PARD6G: variants seen among roughly 807,000 people sequenced by gnomAD.
PARD6G encodes the protein par-6 family cell polarity regulator gamma.
In PARD6G, 7 loss-of-function variants were observed where a neutral mutation model predicts 10.7. The ratio of observed to expected loss-of-function variants is 0.66; its 90% confidence interval spans 0.37 to 1.23. PARD6G has a LOEUF of 1.23. PARD6G is among the 50% of genes most tolerant of loss of function. The pLI is 0.02. For missense variants in PARD6G, 548 were observed against 571.8 expected (o/e 0.96, Z 0.42); for synonymous variants, 287 against 269.4 (o/e 1.07, Z -0.64).
chr18:80,232,962 G>C (rs1336742374), intron 1 of PARD6G, among the ~76,000 whole-genome samples: 1 of 152,192 alleles, frequency 6.6e-6, no homozygotes, highest in Admixed American at 6.5e-5. Flanking sequence ...CTGAGGGACA[G>C]ACCTCCTTGC....
chr18:80,165,116 G>T (rs954283292), intron 2 of PARD6G, among the ~76,000 whole-genome samples: 3 of 152,132 alleles, frequency 2.0e-5, no homozygotes, highest in Non-Finnish European at 4.4e-5. Context: ...AATTTACCAG[G>T]GCAGAGTTTC....
At chr18:80,160,655 G>C (rs1469745804) in intron 2 of PARD6G, 49 bp from the exon 3 acceptor site, 1 of 1,428,080 alleles carries the variant, frequency 7.0e-7, no homozygotes, top group Non-Finnish European at 9.1e-7. Context: ...AGCCCCGCCT[G>C]AGCCCTCGGC....
chr18:80,213,970 T>C (rs1211750111), intron 1 of PARD6G, among the ~76,000 whole-genome samples: 1 of 143,398 alleles, frequency 7.0e-6, no homozygotes, highest in Non-Finnish European at 1.5e-5. Context: ...AAAAGTTCAG[T>C]TTTGAGCAAA....
At chr18:80,209,846 C>A (rs987062243) in intron 1 of PARD6G, among the ~76,000 whole-genome samples, 21 of 152,110 alleles carry the variant, frequency 1.4e-4, no homozygotes, top group African/African-American at 5.1e-4. Flanking sequence ...CTTCTAAATG[C>A]AAATCATTTT....
At position 80,180,943 on chromosome 18, in the gene PARD6G, C is replaced by T. The variant is rs1362233750; in HGVS notation, c.296-20337G>A. On this transcript the variant is annotated intron_variant, in intron 2 of 2. Transcript: ENST00000353265. This position sits in a 1 kb window ranked among gnomAD's most constrained non-coding sequence, Gnocchi z 5.6. ...TAGCTCTCCACATGCAGATGCCCCACAGCAAAGAAATGTCCAGCGCAGAAC... is the reference window on the plus strand; with the variant it reads ...TAGCTCTCCACATGCAGATGCCCCATAGCAAAGAAATGTCCAGCGCAGAAC... Among the ~76,000 whole-genome samples the T allele has an allele frequency of 2.0e-5, 3 of 152,214 alleles. No homozygotes were observed. Among genetic ancestry groups the T allele is most frequent in the Admixed American group, 6.5e-5 (1 of 15,288 alleles).
chr18:80,167,172 T>C (rs2052741582), intron 2 of PARD6G, among the ~76,000 whole-genome samples: 1 of 152,154 alleles, frequency 6.6e-6, no homozygotes, highest in Admixed American at 6.5e-5. Context: ...CCTGAGAGCA[T>C]CATGTTGCGT....
chr18:80,196,515 A>G (rs905708078), intron 2 of PARD6G, among the ~76,000 whole-genome samples: 2 of 152,238 alleles, frequency 1.3e-5, no homozygotes, highest in Non-Finnish European at 2.9e-5. Context: ...AAATTTAAGA[A>G]AAGTAAGAAA....
intron 1 of PARD6G, among the ~76,000 whole-genome samples, chr18:80,245,776 C>T (rs1298597146): frequency 6.6e-6 from 1 of 152,096 alleles, no homozygotes; most frequent in Non-Finnish European, 1.5e-5. Context: ...GGGCTCTTCC[C>T]CTCACCTAAC....
intron 1 of PARD6G, among the ~76,000 whole-genome samples, chr18:80,222,685 A>T (rs1271521394): frequency 6.6e-6 from 1 of 151,818 alleles, no homozygotes; most frequent in Non-Finnish European, 1.5e-5. Flanking sequence ...TTATTTATTC[A>T]TTTTTTAAGA....
intron 2 of PARD6G, among the ~76,000 whole-genome samples, chr18:80,172,575 C>T (rs1008210276): frequency 1.3e-5 from 2 of 152,038 alleles, no homozygotes; most frequent in African/African-American, 2.4e-5. Flanking sequence ...TTAGCAGAGA[C>T]GGTTTTGCCA....
At chr18:80,209,858 A>G (rs1456424336) in intron 1 of PARD6G, among the ~76,000 whole-genome samples, 1 of 152,204 alleles carries the variant, frequency 6.6e-6, no homozygotes, top group Non-Finnish European at 1.5e-5. Context: ...AATCATTTTT[A>G]TTTTCTTTAA....
At chr18:80,238,258 G>T (rs1243589292) in intron 1 of PARD6G, among the ~76,000 whole-genome samples, 1 of 152,088 alleles carries the variant, frequency 6.6e-6, no homozygotes, top group Non-Finnish European at 1.5e-5. Context: ...ACCAAACACT[G>T]CATGTTCTCA....
intron 1 of PARD6G, among the ~76,000 whole-genome samples, chr18:80,221,539 T>C (rs751731210): frequency 6.6e-5 from 10 of 152,164 alleles, no homozygotes; most frequent in Non-Finnish European, 1.3e-4. Flanking sequence ...AAACTAGGAA[T>C]AGAAAGAGAC....
intron 2 of PARD6G, among the ~76,000 whole-genome samples, chr18:80,178,725 G>A (rs954023462): frequency 6.6e-6 from 1 of 152,188 alleles, no homozygotes; most frequent in African/African-American, 2.4e-5. Flanking sequence ...CATGGCACAA[G>A]TGTCTTTACA....
In PARD6G at chr18:80,200,461, G is replaced by A. The variant is rs145028011; in HGVS notation, c.295+2249C>T. On this transcript the variant is annotated intron_variant, in intron 2 of 2. Coordinates refer to ENST00000353265, the MANE Select transcript of PARD6G (RefSeq NM_032510.4). This position sits in a 1 kb window ranked among gnomAD's most constrained non-coding sequence, Gnocchi z 4.4. ...AGCTCTGACAACAACCCCAGAGACA[G>A]GCACTACCACCCGTGCCACAGATGA... 6.4e-4 allele frequency among the ~76,000 whole-genome samples: 98 copies of A among 152,294 alleles called. No individual in the cohort carries two copies. The highest frequency in any genetic ancestry group is 2.1e-3 in the African/African-American group (87 of 41,566).
intron 1 of PARD6G, among the ~76,000 whole-genome samples, chr18:80,236,786 T>TA (rs1440664012): frequency 6.6e-6 from 1 of 152,086 alleles, no homozygotes; most frequent in African/African-American, 2.4e-5. Flanking sequence ...GAAACCAACT[T>TA]ACAAGGGATG....
intron 1 of PARD6G, among the ~76,000 whole-genome samples, chr18:80,203,386 G>A (rs1187624143): frequency 6.6e-6 from 1 of 152,058 alleles, no homozygotes; most frequent in African/African-American, 2.4e-5. Context: ...ACAGGAAGAG[G>A]GACCCTAAAC....
rs1967281270 is a variant in PARD6G at position 80,225,610 on chromosome 18, T to A, written c.72+21667A>T. Among the ~76,000 whole-genome samples the A allele has an allele frequency of 2.0e-5, 3 of 152,330 alleles. 1 individual carries two copies. The South Asian group carries it at 6.2e-4, about 32-fold the overall frequency. ...CAAAATTAAACTTGAAGGGCAAATGTTTCTGACACTGCATTTCTATTGTCC... is the reference window on the plus strand; with the variant it reads ...CAAAATTAAACTTGAAGGGCAAATGATTCTGACACTGCATTTCTATTGTCC... On this transcript the variant is annotated intron_variant, in intron 1 of 2. Coordinates refer to ENST00000353265, the MANE Select transcript of PARD6G (RefSeq NM_032510.4).
intron 1 of PARD6G, among the ~76,000 whole-genome samples, chr18:80,238,162 T>G (rs1163456516): frequency 6.6e-6 from 1 of 152,132 alleles, no homozygotes; most frequent in Non-Finnish European, 1.5e-5. Flanking sequence ...TATGCAGCCA[T>G]AAAAAATGAT....
Sources: allele counts gnomAD v4.1 joint callset (sites outside exome capture counted in the v4.1 genomes callset), GRCh38; gene constraint gnomAD v4.1.1; non-coding constraint Gnocchi (gnomAD v3.1); transcripts MANE v1.5; gene names NCBI Gene and HGNC (gene_info 2026-07-23, HGNC 2026-07-21).